ANKRD31: variants seen among roughly 807,000 people sequenced by gnomAD.
The protein encoded by ANKRD31 is ankyrin repeat domain 31, also known as ankyrin repeat domain-containing protein 31.
In ANKRD31, 147 loss-of-function variants were observed where a neutral mutation model predicts 186.0. The ratio of observed to expected loss-of-function variants is 0.79; its 90% CI spans 0.69 to 0.91. The LOEUF (loss-of-function observed/expected upper bound fraction) is 0.91, where lower values mean the gene tolerates loss of function less well. Ranked by LOEUF, ANKRD31 falls within the 40% of genes least tolerant of loss-of-function variation. The probability of loss-of-function intolerance (pLI) is 0.00; values close to 1 mark genes in which losing one functional copy is unlikely to be tolerated. For synonymous variants in ANKRD31, 673 were observed against 736.4 expected (o/e 0.91, Z 1.39); for missense variants, 1,986 against 2,148.8 (o/e 0.92, Z 1.50).
chr5:75,203,733 C>T (rs1755971091), intron 5 of ANKRD31, among the ~76,000 whole-genome samples: 1 of 151,644 alleles, frequency 6.6e-6, no homozygotes, highest in Admixed American at 6.6e-5. Flanking sequence ...ATGCCCAGGG[C>T]ATGATATTAT....
chr5:75,217,855 G>T (rs764105496), intron 3 of ANKRD31, among the ~76,000 whole-genome samples: 1 of 152,110 alleles, frequency 6.6e-6, no homozygotes, highest in East Asian at 1.9e-4. Context: ...TACTGTCACT[G>T]GTCTGTGTAC....
At chr5:75,168,202 T>C (rs557883650) in intron 11 of ANKRD31, among the ~76,000 whole-genome samples, 1 of 152,306 alleles carries the variant, frequency 6.6e-6, no homozygotes, top group Admixed American at 6.5e-5. Context: ...AGCAGCCTTC[T>C]CCGCCTCTGC....
At chr5:75,078,898 C>T (rs1423554614) in intron 25 of ANKRD31, among the ~76,000 whole-genome samples, 2 of 152,076 alleles carry the variant, frequency 1.3e-5, no homozygotes. Context: ...TTTGAAATTT[C>T]AAGGGAAAAT....
intron 12 of ANKRD31, among the ~76,000 whole-genome samples, chr5:75,148,926 A>T (rs1234319691): frequency 1.3e-5 from 2 of 151,884 alleles, no homozygotes; most frequent in East Asian, 1.9e-4. Flanking sequence ...ATATCCAGAT[A>T]TGACCTTTTT....
intron 10 of ANKRD31, among the ~76,000 whole-genome samples, chr5:75,182,008 A>C (rs1392899110): frequency 6.6e-6 from 1 of 152,158 alleles, no homozygotes; most frequent in Non-Finnish European, 1.5e-5. Context: ...ATAAAGATGG[A>C]TTGATGGATG....
chr5:75,094,850 C>A (rs1746190234), intron 22 of ANKRD31, among the ~76,000 whole-genome samples: 1 of 151,914 alleles, frequency 6.6e-6, no homozygotes, highest in Non-Finnish European at 1.5e-5. Flanking sequence ...AAAAGTATAT[C>A]ATATAAACCG....
At chr5:75,121,561 A>G (rs2150089931) in intron 17 of ANKRD31, among the ~76,000 whole-genome samples, 1 of 152,294 alleles carries the variant, frequency 6.6e-6, no homozygotes, top group South Asian at 2.1e-4. Context: ...GTTAGGCCAC[A>G]AAACTAGCCT....
chr5:75,200,306 T>TG (rs1755737520), intron 5 of ANKRD31, among the ~76,000 whole-genome samples: 2 of 151,392 alleles, frequency 1.3e-5, no homozygotes, highest in African/African-American at 2.4e-5. Context: ...TCTTTTTTTT[T>TG]TTTTTCTTTT....
chr5:75,111,515 T>C (rs1283118180), intron 20 of ANKRD31, among the ~76,000 whole-genome samples: 1 of 152,148 alleles, frequency 6.6e-6, no homozygotes, highest in African/African-American at 2.4e-5. Context: ...AAGGAGATGA[T>C]TTTTTTAAAG....
intron 3 of ANKRD31, 50 bp from the exon 4 acceptor site, chr5:75,210,915 G>A: frequency 8.2e-7 from 1 of 1,221,940 alleles, no homozygotes; most frequent in Non-Finnish European, 1.1e-6. Context: ...TTAATTCAAT[G>A]CAACAAGCTA....
At chr5:75,222,999 G>T (rs1026294468) in intron 2 of ANKRD31, among the ~76,000 whole-genome samples, 7 of 152,166 alleles carry the variant, frequency 4.6e-5, no homozygotes, top group African/African-American at 1.7e-4. Context: ...TCTAGTTCTA[G>T]ATACTTGAGG....
intron 22 of ANKRD31, 36 bp from the exon 23 acceptor site, chr5:75,091,437 A>G: frequency 6.6e-7 from 1 of 1,513,740 alleles, no homozygotes; most frequent in Non-Finnish European, 8.8e-7. Context: ...TAAGGTCAAA[A>G]ATAGCTGAAA....
chr5:75,150,840 T>C (rs1438354996), intron 12 of ANKRD31, among the ~76,000 whole-genome samples: 1 of 152,018 alleles, frequency 6.6e-6, no homozygotes, highest in East Asian at 1.9e-4. Flanking sequence ...CCAACTGAAT[T>C]TTATTTGCAA....
chr5:75,087,113 C>T (rs1228036646), intron 23 of ANKRD31, among the ~76,000 whole-genome samples: 1 of 152,188 alleles, frequency 6.6e-6, no homozygotes, highest in African/African-American at 2.4e-5. Context: ...ACATAACCCA[C>T]CTTTGCATAT....
intron 25 of ANKRD31, among the ~76,000 whole-genome samples, chr5:75,079,874 G>A (rs1192232079): frequency 6.6e-6 from 1 of 152,008 alleles, no homozygotes; most frequent in African/African-American, 2.4e-5. Context: ...AGGCTGAGGT[G>A]GGCAGATCAC....
chr5:75,171,255 A>G (rs924608035), intron 10 of ANKRD31, among the ~76,000 whole-genome samples: 4 of 152,088 alleles, frequency 2.6e-5, no homozygotes, highest in African/African-American at 9.6e-5. Context: ...AAAGGTCAAA[A>G]TCATGTAAAA....
At chr5:75,166,222 C>A (rs1752909965) in intron 11 of ANKRD31, among the ~76,000 whole-genome samples, 1 of 152,190 alleles carries the variant, frequency 6.6e-6, no homozygotes, top group Non-Finnish European at 1.5e-5. Flanking sequence ...GTAATCCCAG[C>A]ACTTTGGGAG....
At chr5:75,155,530 T>C (rs947299969) in intron 11 of ANKRD31, among the ~76,000 whole-genome samples, 1 of 152,160 alleles carries the variant, frequency 6.6e-6, no homozygotes, top group East Asian at 1.9e-4. Context: ...TACAGATATA[T>C]GTCTTCATAT....
intron 23 of ANKRD31, among the ~76,000 whole-genome samples, chr5:75,089,704 TC>T (rs1745784736): frequency 6.6e-6 from 1 of 152,218 alleles, no homozygotes; most frequent in Admixed American, 6.5e-5. Flanking sequence ...TTTTTGATAA[TC>T]TAAAGAAAAT....
Sources: allele counts gnomAD v4.1 joint callset (sites outside exome capture counted in the v4.1 genomes callset), GRCh38; gene constraint gnomAD v4.1.1; transcripts MANE v1.5; gene names NCBI Gene and HGNC (gene_info 2026-07-23, HGNC 2026-07-21).